The following PCP4 variants were observed in gnomAD, a reference collection of about 807,000 sequenced individuals.
PCP4 encodes the protein calmodulin regulator protein PCP4.
In PCP4, 8 loss-of-function variants were observed where a neutral mutation model predicts 10.0. The observed-to-expected ratio is 0.80, with a 90% CI of 0.47 to 1.45. The LOEUF (loss-of-function observed/expected upper bound fraction) is 1.45. Ranked by LOEUF, PCP4 falls within the 40% of genes most tolerant of loss-of-function variation. The pLI is 0.00. For missense variants in PCP4, 54 were observed against 74.4 expected (o/e 0.73, Z 1.01); for synonymous variants, 21 against 23.0 (o/e 0.91, Z 0.24).
Position 39,890,726 on chromosome 21 carries a change from T to C in PCP4, c.10-7750T>C, listed in dbSNP as rs147452518. Among the ~76,000 whole-genome samples the C allele has an allele frequency of 2.5e-3, 387 of 152,252 alleles. 5 individuals are homozygous for C. Among genetic ancestry groups the C allele is most frequent in the African/African-American group, 8.8e-3 (367 of 41,540 alleles). ...TGCAGTACTTTTTATTTGAAAAATA[T>C]TGCGTTAACATATGATTTATTTTGA... On this transcript the variant is annotated intron_variant, in intron 1 of 2. Transcript: ENST00000328619.
intron 1 of PCP4, 144 bp downstream of exon 1, chr21:39,867,654 A>T: frequency 1.2e-6 from 1 of 866,748 alleles, no homozygotes; most frequent in Non-Finnish European, 2.0e-6. Flanking sequence ...AACTGACAGG[A>T]TTAATCTCTT....
intron 2 of PCP4, 27 bp downstream of exon 2, chr21:39,898,554 C>G: frequency 6.3e-7 from 1 of 1,598,582 alleles, no homozygotes; most frequent in Non-Finnish European, 8.6e-7. Context: ...AGTCCAAGTT[C>G]TTTCTCTTTT....
At chr21:39,924,215 C>T (rs1601190203) in intron 2 of PCP4, among the ~76,000 whole-genome samples, 3 of 152,172 alleles carry the variant, frequency 2.0e-5, no homozygotes, top group Non-Finnish European at 4.4e-5. Context: ...GCTCTGGCCA[C>T]GCCATGCCCA....
chr21:39,904,128 A>G (rs1015587028), intron 2 of PCP4, among the ~76,000 whole-genome samples: 3 of 152,178 alleles, frequency 2.0e-5, no homozygotes, highest in Non-Finnish European at 2.9e-5. Context: ...AAGGACTTGC[A>G]TTTATAGGCA....
chr21:39,899,854 A>T (rs1299004551), intron 2 of PCP4, among the ~76,000 whole-genome samples: 1 of 152,098 alleles, frequency 6.6e-6, no homozygotes, highest in Non-Finnish European at 1.5e-5. Flanking sequence ...GTAGTTGCCT[A>T]TATGAGGAAG....
chr21:39,890,879 C>G (rs2087427071), intron 1 of PCP4, among the ~76,000 whole-genome samples: 1 of 151,882 alleles, frequency 6.6e-6, no homozygotes, highest in Non-Finnish European at 1.5e-5. Context: ...GAATAGTAGA[C>G]TGAGAAGTAA....
At chr21:39,912,825 T>C (rs1568860040) in intron 2 of PCP4, among the ~76,000 whole-genome samples, 1 of 152,178 alleles carries the variant, frequency 6.6e-6, no homozygotes, top group Non-Finnish European at 1.5e-5. Flanking sequence ...TCCTCCTGTT[T>C]CAGCCTCCAG....
intron 1 of PCP4, among the ~76,000 whole-genome samples, chr21:39,871,120 G>A (rs2146323207): frequency 6.6e-6 from 1 of 152,334 alleles, no homozygotes; most frequent in Middle Eastern, 3.4e-3. Context: ...GACAGAGATT[G>A]CAAACGGGAG....
chr21:39,895,482 C>T (rs924065705), intron 1 of PCP4, among the ~76,000 whole-genome samples: 1 of 152,202 alleles, frequency 6.6e-6, no homozygotes, highest in Non-Finnish European at 1.5e-5. Context: ...TAGAGGCCCT[C>T]AGGAGGTATG....
At chr21:39,869,478 C>T (rs1022532372) in intron 1 of PCP4, among the ~76,000 whole-genome samples, 3 of 152,202 alleles carry the variant, frequency 2.0e-5, no homozygotes, top group African/African-American at 4.8e-5. Context: ...GATAAAAGCA[C>T]ACAAGGGGCA....
intron 1 of PCP4, among the ~76,000 whole-genome samples, chr21:39,885,852 C>T (rs767569022): frequency 6.6e-6 from 1 of 152,236 alleles, no homozygotes; most frequent in African/African-American, 2.4e-5. Flanking sequence ...AATTAGTCTG[C>T]GGGCAGCTTA....
chr21:39,875,858 A>C (rs1461736828), intron 1 of PCP4, among the ~76,000 whole-genome samples: 1 of 152,170 alleles, frequency 6.6e-6, no homozygotes, highest in African/African-American at 2.4e-5. Flanking sequence ...TTAATCATTA[A>C]AGGAAGGGTA....
chr21:39,872,393 T>G (rs190696533), intron 1 of PCP4, among the ~76,000 whole-genome samples: 79 of 152,336 alleles, frequency 5.2e-4, no homozygotes, highest in African/African-American at 1.7e-3. Flanking sequence ...GGTCCTTCTG[T>G]TCTTAGACCA....
At chr21:39,869,492 C>A (rs1023469357) in intron 1 of PCP4, among the ~76,000 whole-genome samples, 8 of 152,188 alleles carry the variant, frequency 5.3e-5, no homozygotes, top group Admixed American at 2.6e-4. Context: ...AGGGGCACAT[C>A]CCACTTTTCT....
intron 2 of PCP4, among the ~76,000 whole-genome samples, chr21:39,899,078 C>G (rs1310528678): frequency 6.6e-6 from 1 of 152,088 alleles, no homozygotes; most frequent in Non-Finnish European, 1.5e-5. Flanking sequence ...AACCATGACC[C>G]TAAATTGTAG....
intron 1 of PCP4, among the ~76,000 whole-genome samples, chr21:39,875,591 A>G (rs570923528): frequency 5.9e-5 from 9 of 152,328 alleles, no homozygotes; most frequent in South Asian, 4.1e-4. Context: ...CTTGCCTTCT[A>G]TGACTTTCCA....
intron 1 of PCP4, among the ~76,000 whole-genome samples, chr21:39,883,922 T>A (rs2146329657): frequency 6.6e-6 from 1 of 152,356 alleles, no homozygotes; most frequent in East Asian, 1.9e-4. Context: ...TGAGTGTTTT[T>A]ATCTCATTTA....
At chr21:39,920,103 T>G (rs1285405933) in intron 2 of PCP4, among the ~76,000 whole-genome samples, 5 of 127,518 alleles carry the variant, frequency 3.9e-5, no homozygotes, top group South Asian at 5.2e-4. Flanking sequence ...GTGTGTGTGT[T>G]TGGTCTGTGT....
chr21:39,915,136 A>G (rs1016952281), intron 2 of PCP4, among the ~76,000 whole-genome samples: 1 of 152,164 alleles, frequency 6.6e-6, no homozygotes, highest in Non-Finnish European at 1.5e-5. Context: ...AAGGAGAAGC[A>G]AATGTCCCAC....
Sources: gnomAD v4.1 joint callset for allele counts (sites outside exome capture counted in the v4.1 genomes callset) on GRCh38, gnomAD v4.1.1 for gene constraint, MANE v1.5 for transcripts, NCBI Gene and HGNC (gene_info 2026-07-23, HGNC 2026-07-21) for gene names.